The following TSPAN18 variants were observed in gnomAD, a reference collection of about 807,000 sequenced individuals.
The protein encoded by TSPAN18 is tetraspanin 18, also known as tetraspanin-18.
A neutral mutation model predicts 27.3 loss-of-function variants in TSPAN18; 14 were observed. The observed-to-expected ratio is 0.51, with a 90% CI of 0.34 to 0.80. The LOEUF (loss-of-function observed/expected upper bound fraction) is 0.80. TSPAN18 is among the 30% of genes least tolerant of loss of function. TSPAN18 has a pLI of 0.01. For missense variants in TSPAN18, 268 were observed against 323.9 expected (o/e 0.83, Z 1.32); for synonymous variants, 143 against 136.5 (o/e 1.05, Z -0.33).
At chr11:44,781,164 T>A (rs1855930353) in intron 2 of TSPAN18, among the ~76,000 whole-genome samples, 1 of 152,072 alleles carries the variant, frequency 6.6e-6, no homozygotes, top group Admixed American at 6.5e-5. Flanking sequence ...TCTCTCCCCA[T>A]GTGTAGAGTA....
At chr11:44,752,108 G>T (rs1288338845) in intron 1 of TSPAN18, among the ~76,000 whole-genome samples, 1 of 152,122 alleles carries the variant, frequency 6.6e-6, no homozygotes, top group African/African-American at 2.4e-5. Context: ...ACCCAAAATG[G>T]AGTCATTCAA....
In TSPAN18 at chr11:44,929,266, G is replaced by A; in HGVS notation, c.*88G>A. 6.5e-7 allele frequency: 1 copy of A among 1,538,764 alleles called. No homozygotes were observed. Among genetic ancestry groups the A allele is most frequent in the Non-Finnish European group, 8.9e-7 (1 of 1,119,162 alleles). On this transcript the variant is annotated 3_prime_UTR_variant, in exon 10 of 10. Transcript: ENST00000520358. ...CCGTGCCCCTCCCCGCTGTCCTCTTGGCCCCAGGGGAGAAGATGAGGCCAT... is the reference window on the plus strand; with the variant it reads ...CCGTGCCCCTCCCCGCTGTCCTCTTAGCCCCAGGGGAGAAGATGAGGCCAT...
intron 1 of TSPAN18, among the ~76,000 whole-genome samples, chr11:44,751,798 G>C (rs1215725823): frequency 6.6e-6 from 1 of 151,890 alleles, no homozygotes; most frequent in African/African-American, 2.4e-5. Context: ...ATGATGGCAG[G>C]TGCCTGTAAT....
intron 5 of TSPAN18, among the ~76,000 whole-genome samples, chr11:44,915,128 G>A (rs896966202): frequency 7.2e-5 from 11 of 152,202 alleles, no homozygotes; most frequent in African/African-American, 2.2e-4. Flanking sequence ...GCTCATTGCC[G>A]TGGATGGAAA....
At chr11:44,819,128 C>CTT (rs2135116915) in intron 2 of TSPAN18, among the ~76,000 whole-genome samples, 2 of 152,336 alleles carry the variant, frequency 1.3e-5, no homozygotes, top group East Asian at 3.9e-4. Flanking sequence ...TCAGGCTGCT[C>CTT]TGAGCCCCCT....
chr11:44,820,573 T>G (rs1856907075), intron 2 of TSPAN18, among the ~76,000 whole-genome samples: 1 of 152,230 alleles, frequency 6.6e-6, no homozygotes. Flanking sequence ...TTCCTTAAAC[T>G]TCCTAAGCCT....
At chr11:44,849,689 C>T (rs1310771345) in intron 2 of TSPAN18, among the ~76,000 whole-genome samples, 2 of 121,550 alleles carry the variant, frequency 1.6e-5, no homozygotes, top group Non-Finnish European at 3.8e-5. Context: ...GGGCCCAGCA[C>T]CCAAAGCACC....
intron 3 of TSPAN18, among the ~76,000 whole-genome samples, chr11:44,894,402 A>G (rs1457946451): frequency 3.9e-5 from 6 of 152,044 alleles, no homozygotes; most frequent in Admixed American, 2.6e-4. Flanking sequence ...ACCTTCCTCC[A>G]CTGGGGGCTT....
intron 2 of TSPAN18, among the ~76,000 whole-genome samples, chr11:44,818,610 C>A (rs560831906): frequency 4.6e-5 from 7 of 152,260 alleles, no homozygotes; most frequent in African/African-American, 1.7e-4. Context: ...TTCCCCTCTG[C>A]CTGCCTGCCC....
chr11:44,764,286 G>C (rs1368271448), intron 1 of TSPAN18, 140 bp from the exon 2 acceptor site: 1 of 152,226 alleles, frequency 6.6e-6, no homozygotes. Flanking sequence ...ACCAGTCATG[G>C]GTGCCCCGTC....
At position 44,733,940 on chromosome 11, in the gene TSPAN18, C is replaced by T. The variant is rs574960852; in HGVS notation, c.-240+6653C>T. On this transcript the variant is annotated intron_variant, in intron 1 of 9. Coordinates refer to ENST00000520358, the MANE Select transcript of TSPAN18 (RefSeq NM_130783.5). ...AAATCTCATGTTGAAATTTGATCTC[C>T]ACTGTTGGAGGTTGTGGGGGTGGTG... is the stretch of plus-strand genomic sequence containing the variant. Among the ~76,000 whole-genome samples, 76 of 152,248 alleles carry T rather than the reference C, an allele frequency of 5.0e-4. 1 individual carries two copies. In the South Asian group the frequency reaches 0.013, roughly 27 times the overall value.
At chr11:44,790,378 CGT>C (rs747767788) in intron 2 of TSPAN18, among the ~76,000 whole-genome samples, 139 of 129,708 alleles carry the variant, frequency 1.1e-3, no homozygotes, top group South Asian at 1.5e-3. Flanking sequence ...TGTTTGTGTG[CGT>C]GTGTGTGCAT....
chr11:44,821,448 C>T (rs867150666), intron 2 of TSPAN18, among the ~76,000 whole-genome samples: 4 of 152,234 alleles, frequency 2.6e-5, no homozygotes, highest in Admixed American at 6.5e-5. Flanking sequence ...GATGAACCTG[C>T]GATTGTTCTG....
intron 9 of TSPAN18, among the ~76,000 whole-genome samples, chr11:44,927,994 G>A (rs1228088153): frequency 1.3e-5 from 2 of 152,202 alleles, no homozygotes; most frequent in African/African-American, 2.4e-5. Context: ...ATGGGAGGCA[G>A]AATCCTGCTC....
At chr11:44,837,893 A>G (rs1857295096) in intron 2 of TSPAN18, among the ~76,000 whole-genome samples, 1 of 152,240 alleles carries the variant, frequency 6.6e-6, no homozygotes, top group African/African-American at 2.4e-5. Flanking sequence ...TGTACACATA[A>G]CTTTTACTTT....
chr11:44,845,876 G>T (rs1195400700), intron 2 of TSPAN18, among the ~76,000 whole-genome samples: 1 of 152,238 alleles, frequency 6.6e-6, no homozygotes, highest in African/African-American at 2.4e-5. Context: ...CATCGCCAAT[G>T]CCAGACCTAC....
At chr11:44,925,195 C>T (rs933560161) in intron 8 of TSPAN18, among the ~76,000 whole-genome samples, 9 of 152,228 alleles carry the variant, frequency 5.9e-5, no homozygotes, top group Non-Finnish European at 7.3e-5. Context: ...CTGGCCACAG[C>T]CTGATCACTA....
At chr11:44,836,048 A>T (rs2135154278) in intron 2 of TSPAN18, among the ~76,000 whole-genome samples, 1 of 152,296 alleles carries the variant, frequency 6.6e-6, no homozygotes, top group Middle Eastern at 3.4e-3. Flanking sequence ...CAATATTGAA[A>T]TGAGGCCAAT....
At chr11:44,799,217 C>T (rs887459306) in intron 2 of TSPAN18, among the ~76,000 whole-genome samples, 3 of 152,020 alleles carry the variant, frequency 2.0e-5, no homozygotes, top group African/African-American at 4.8e-5. Flanking sequence ...CAGCCTTGCC[C>T]GAGACCTTCT....
Sources: allele counts gnomAD v4.1 joint callset (sites outside exome capture counted in the v4.1 genomes callset), GRCh38; gene constraint gnomAD v4.1.1; transcripts MANE v1.5; gene names NCBI Gene and HGNC (gene_info 2026-07-23, HGNC 2026-07-21).